Variants in LILRB3 observed in about 807,000 individuals in gnomAD.
LILRB3 encodes the protein leukocyte immunoglobulin-like receptor subfamily B member 3.
Under a neutral mutation model 68.2 loss-of-function variants are expected in LILRB3, and 32 were observed. That is an observed-to-expected ratio of 0.47 (90% CI 0.35 to 0.63). The LOEUF (loss-of-function observed/expected upper bound fraction) is 0.63. Ranked by LOEUF, LILRB3 falls within the 30% of genes least tolerant of loss-of-function variation. The pLI, the probability that LILRB3 is intolerant of heterozygous loss-of-function variation, is 0.00. For synonymous variants in LILRB3, 185 were observed against 323.1 expected, an observed-to-expected ratio of 0.57 and a Z score of 4.58; for missense variants, 502 against 791.3, an observed-to-expected ratio of 0.63 and a Z score of 4.39.
chr19:54,217,215 C>T, exon 13 of LILRB3: 1 of 1,612,264 alleles, frequency 6.2e-7, no homozygotes, highest in Non-Finnish European at 8.5e-7. Flanking sequence ...TAGGTCACAT[C>T]CTGGGAGGCT....
chr19:54,217,064 C>T, exon 13 of LILRB3: 1 of 1,614,118 alleles, frequency 6.2e-7, no homozygotes, highest in Non-Finnish European at 8.5e-7. Flanking sequence ...TCTCCTTCTG[C>T]TGAGTGTGGG....
At chr19:54,216,858 T>G in exon 13 of LILRB3, 1 of 1,413,706 alleles carries the variant, frequency 7.1e-7, no homozygotes, top group Admixed American at 2.9e-5. Context: ...TTGTTTTTTG[T>G]TTTTTTGTTA....
At chr19:54,222,968 G>A (rs566409321) in exon 1 of LILRB3, 30 of 1,612,460 alleles carry the variant, frequency 1.9e-5, no homozygotes, top group South Asian at 8.8e-5. Flanking sequence ...CTGTGAGGGC[G>A]GGCGTCATGG....
chr19:54,219,748 G>A (rs2077896978), intron 7 of LILRB3: 29 of 1,477,892 alleles, frequency 2.0e-5, no homozygotes, highest in Non-Finnish European at 2.4e-5. Flanking sequence ...GAGAAACTGA[G>A]GCCCAGGCAG....
At chr19:54,218,860 C>G in intron 8 of LILRB3, 22 bp from the exon 9 acceptor site, 12 of 1,614,056 alleles carry the variant, frequency 7.4e-6, no homozygotes, top group Non-Finnish European at 1.0e-5. Context: ...TGGACAGAGT[C>G]TCAGCCCTGG....
At chr19:54,218,474 C>T (rs2077714869) in intron 10 of LILRB3, 61 bp from the exon 11 acceptor site, 1 of 1,609,390 alleles carries the variant, frequency 6.2e-7, no homozygotes, top group Middle Eastern at 1.7e-4. Context: ...GTCCTGCTGG[C>T]CCCCTGCCCT....
exon 8 of LILRB3, chr19:54,219,234 A>C (rs890567042): frequency 2.5e-6 from 4 of 1,578,800 alleles, no homozygotes; most frequent in Non-Finnish European, 3.4e-6. Context: ...ACCTCCAGGT[A>C]TCTTCCCAGA....
chr19:54,217,323 G>A (rs199967832), exon 12 of LILRB3: 1 of 1,588,316 alleles, frequency 6.3e-7, no homozygotes, highest in South Asian at 1.1e-5. Flanking sequence ...ACTCACCTCA[G>A]TGTCCATCTG....
chr19:54,218,803 C>T (rs770878837), exon 9 of LILRB3: 4 of 1,614,114 alleles, frequency 2.5e-6, no homozygotes, highest in South Asian at 2.2e-5. Flanking sequence ...GTCTCCGCAG[C>T]CCCTGCAGGA....
chr19:54,221,025 C>T (rs1338775004), intron 5 of LILRB3, 58 bp downstream of exon 5: 31 of 1,336,894 alleles, frequency 2.3e-5, no homozygotes, highest in East Asian at 4.1e-5. Context: ...CACCTGGGCT[C>T]CCCCGGCAGG....
exon 13 of LILRB3, chr19:54,216,708 A>G: frequency 9.3e-7 from 1 of 1,070,414 alleles, no homozygotes; most frequent in Non-Finnish European, 1.1e-6. Context: ...TTTAGAGACA[A>G]GGTCTCGCTC....
rs140624057 is a variant in LILRB3, at chr19:54,217,342, C to T, written c.1726G>A (p.Glu576Lys). Reference sequence around the variant, plus strand: ...ACCTCAGTGTCCATCTGCCTGTCCTCTTCCACCTGTCTGTCCTTTGTGTCC... The same window carrying T: ...ACCTCAGTGTCCATCTGCCTGTCCTTTTCCACCTGTCTGTCCTTTGTGTCC... Residue 576 changes from glutamate to lysine, a missense_variant, in exon 12 of 13, where the codon GAG (glutamate) becomes AAG (lysine). By Grantham distance (56) the Glu-to-Lys change is moderately conservative. Transcript: ENST00000445347. 1.2e-4 allele frequency: 185 copies of T among 1,584,378 alleles called. 9 individuals are homozygous for T. The African/African-American group carries it at 2.3e-3, about 20-fold the overall frequency.
At chr19:54,218,995 G>T in intron 8 of LILRB3, 134 bp downstream of exon 8, 2 of 1,519,724 alleles carry the variant, frequency 1.3e-6, no homozygotes, top group Non-Finnish European at 1.8e-6. Flanking sequence ...ACTGAAGTTT[G>T]TAAATGCGTA....
chr19:54,216,831 G>T, exon 13 of LILRB3: 1 of 1,363,186 alleles, frequency 7.3e-7, no homozygotes, highest in South Asian at 1.6e-5. Flanking sequence ...TACCACACCC[G>T]GCCTTTACGT....
chr19:54,218,301 C>A, intron 11 of LILRB3, 60 bp downstream of exon 11: 2 of 1,605,550 alleles, frequency 1.2e-6, no homozygotes, highest in Non-Finnish European at 1.7e-6. Context: ...CAGAGAAGTC[C>A]TGCAGGATTA....
In LILRB3 at chr19:54,217,324, T is replaced by C. The variant is rs149149343; in HGVS notation, c.1744A>G (p.Thr582Ala). 3.2e-4 allele frequency: 515 copies of C among 1,587,636 alleles called. 35 individuals carry two copies. The highest frequency in any genetic ancestry group is 4.3e-4 in the Non-Finnish European group (505 of 1,166,076). ...CTGGAGAGGAAAGGACTCACCTCAG[T>C]GTCCATCTGCCTGTCCTCTTCCACC... is the stretch of plus-strand genomic sequence containing the variant. The change falls in exon 12 of 13, where the codon ACT becomes GCT. Residue 582 changes from threonine to alanine, a missense_variant. This residue lies in a region of LILRB3 where 267 missense variants were observed against 245.5 expected (regional missense o/e 1.09). Transcript: ENST00000445347.
intron 11 of LILRB3, 68 bp downstream of exon 11, chr19:54,218,292 AG>A (rs1285609971): frequency 4.9e-5 from 78 of 1,589,804 alleles, no homozygotes; most frequent in Non-Finnish European, 6.7e-5. Flanking sequence ...GAAGGAGGAC[AG>A]AGAAGTCCTG....
exon 1 of LILRB3, chr19:54,222,955 G>C (rs2078357385): frequency 6.2e-7 from 1 of 1,612,534 alleles, no homozygotes; most frequent in South Asian, 1.1e-5. Context: ...AGGCAGAGCA[G>C]GGCTGTGAGG....
At chr19:54,221,192 G>A (rs2078137510) in exon 5 of LILRB3, 1 of 1,539,642 alleles carries the variant, frequency 6.5e-7, no homozygotes, top group African/African-American at 1.6e-5. Context: ...CAGGGCCCAG[G>A]GTGAAGTTGG....
Sources: gnomAD v4.1 joint callset for allele counts on GRCh38, gnomAD v4.1.1 for gene constraint, gnomAD v4.1.1 regional missense constraint, MANE v1.5 for transcripts, NCBI Gene and HGNC (gene_info 2026-07-23, HGNC 2026-07-21) for gene names.